The following TAFA4 variants were observed in gnomAD, a reference collection of about 807,000 sequenced individuals.
TAFA4 encodes the protein TAFA chemokine like family member 4.
A neutral mutation model predicts 21.1 loss-of-function variants in TAFA4; 20 were observed. The observed-to-expected ratio is 0.95, with a 90% CI of 0.67 to 1.38. The LOEUF (loss-of-function observed/expected upper bound fraction) is 1.38. TAFA4 is among the 40% of genes most tolerant of loss of function. TAFA4 has a pLI of 0.00. For missense variants in TAFA4, 211 were observed against 180.9 expected (o/e 1.17, Z -0.95); for synonymous variants, 71 against 67.4 (o/e 1.05, Z -0.26).
chr3:68,919,283 G>A (rs186449106), intron 1 of TAFA4, among the ~76,000 whole-genome samples: 3 of 152,166 alleles, frequency 2.0e-5, no homozygotes, highest in Non-Finnish European at 2.9e-5. Context: ...GGCAGCCCCC[G>A]TCAGGACAGA....
intron 3 of TAFA4, among the ~76,000 whole-genome samples, chr3:68,773,103 C>T (rs1044854953): frequency 5.3e-5 from 8 of 152,072 alleles, no homozygotes; most frequent in Admixed American, 2.6e-4. Flanking sequence ...TATAAGCAGC[C>T]GGAATTATGC....
intron 1 of TAFA4, among the ~76,000 whole-genome samples, chr3:68,919,105 AAC>A (rs2090032947): frequency 6.6e-6 from 1 of 152,176 alleles, no homozygotes; most frequent in Non-Finnish European, 1.5e-5. Flanking sequence ...AGTTAGGAAA[AAC>A]AATTTTTAAA....
intron 3 of TAFA4, among the ~76,000 whole-genome samples, chr3:68,844,962 T>C (rs891534185): frequency 2.0e-5 from 3 of 152,212 alleles, no homozygotes; most frequent in African/African-American, 7.2e-5. Flanking sequence ...TTAGAATAAG[T>C]GCAATGTGGT....
intron 3 of TAFA4, among the ~76,000 whole-genome samples, chr3:68,807,538 T>G (rs967415676): frequency 6.6e-6 from 1 of 151,414 alleles, no homozygotes; most frequent in Non-Finnish European, 1.5e-5. Flanking sequence ...AAATGAAGAA[T>G]CATCCCAAAA....
At chr3:68,772,832 TCATCCATCCATCCATCCGTCAATC>T (rs1054017008) in intron 3 of TAFA4, among the ~76,000 whole-genome samples, 12 of 152,224 alleles carry the variant, frequency 7.9e-5, no homozygotes, top group Middle Eastern at 3.4e-3. Flanking sequence ...TAATCCCCTC[TCATCCATCCATCCATCCGTCAATC>T]CATCCATCCA....
At chr3:68,875,062 C>T (rs1026784230) in intron 3 of TAFA4, among the ~76,000 whole-genome samples, 2 of 152,056 alleles carry the variant, frequency 1.3e-5, no homozygotes, top group African/African-American at 2.4e-5. Flanking sequence ...TGAGCTGGTA[C>T]AAAATGAGTA....
At position 68,830,401 on chromosome 3, in the gene TAFA4, T is replaced by C. The variant is rs531532182; in HGVS notation, c.130+50329A>G. Among the ~76,000 whole-genome samples the C allele has an allele frequency of 7.2e-5, 11 of 152,330 alleles. No individual in the cohort carries two copies. In the South Asian group the frequency reaches 1.9e-3, roughly 26 times the overall value. On this transcript the variant is annotated intron_variant, in intron 3 of 5. Coordinates refer to ENST00000295569, the MANE Select transcript of TAFA4 (RefSeq NM_182522.5). ...TGGTACATTGTGTCTTTGTTCTCAT[T>C]GGTTTCAAAGAACACCTTTATTTCT...
intron 3 of TAFA4, among the ~76,000 whole-genome samples, chr3:68,841,969 C>G (rs1476882067): frequency 1.3e-5 from 2 of 152,082 alleles, no homozygotes; most frequent in Non-Finnish European, 2.9e-5. Flanking sequence ...GGGTTGGTTC[C>G]AAGTCTTTGC....
intron 3 of TAFA4, among the ~76,000 whole-genome samples, chr3:68,814,888 G>A (rs1034643661): frequency 1.3e-5 from 2 of 152,118 alleles, no homozygotes; most frequent in Admixed American, 6.6e-5. Flanking sequence ...AAAGCTGGAG[G>A]CATCACACTA....
intron 1 of TAFA4, among the ~76,000 whole-genome samples, chr3:68,906,369 T>G (rs891294106): frequency 1.3e-5 from 2 of 152,252 alleles, no homozygotes; most frequent in Non-Finnish European, 2.9e-5. Flanking sequence ...CTTGAGGGAC[T>G]CAGTATGCAA....
chr3:68,918,167 C>A (rs889922060), intron 1 of TAFA4, among the ~76,000 whole-genome samples: 1 of 148,570 alleles, frequency 6.7e-6, no homozygotes, highest in Non-Finnish European at 1.5e-5. Flanking sequence ...ACACATTTCA[C>A]ATTCCAGGGA....
At chr3:68,745,984 C>T (rs1194163111) in intron 4 of TAFA4, among the ~76,000 whole-genome samples, 1 of 152,160 alleles carries the variant, frequency 6.6e-6, no homozygotes, top group African/African-American at 2.4e-5. Context: ...CAGACCCACC[C>T]TTAATCTGGG....
chr3:68,869,801 G>C (rs148692576), intron 3 of TAFA4, among the ~76,000 whole-genome samples: 1 of 152,090 alleles, frequency 6.6e-6, no homozygotes, highest in African/African-American at 2.4e-5. Flanking sequence ...TCTGGAATAA[G>C]ACAAGGATGC....
chr3:68,866,624 C>T (rs1275752919), intron 3 of TAFA4, among the ~76,000 whole-genome samples: 5 of 99,498 alleles, frequency 5.0e-5, no homozygotes, highest in African/African-American at 2.0e-4. Flanking sequence ...TGTGAGCTCT[C>T]AGATCAAGGA....
chr3:68,901,267 C>T (rs1216151281), intron 1 of TAFA4, among the ~76,000 whole-genome samples: 7 of 151,960 alleles, frequency 4.6e-5, no homozygotes, highest in Non-Finnish European at 8.8e-5. Context: ...CTTGGCCTGC[C>T]TTTGTGCCTT....
chr3:68,874,987 T>C (rs567273329), intron 3 of TAFA4, among the ~76,000 whole-genome samples: 1 of 152,214 alleles, frequency 6.6e-6, no homozygotes, highest in South Asian at 2.1e-4. Flanking sequence ...TGAAGAAATA[T>C]AATATGGGGT....
intron 3 of TAFA4, among the ~76,000 whole-genome samples, chr3:68,846,433 TCTTA>T (rs1704798939): frequency 6.6e-6 from 1 of 152,056 alleles, no homozygotes. Flanking sequence ...TTTTCAAGGT[TCTTA>T]GTCTTCCTTG....
At chr3:68,838,695 A>G (rs914488299) in intron 3 of TAFA4, among the ~76,000 whole-genome samples, 5 of 152,266 alleles carry the variant, frequency 3.3e-5, no homozygotes, top group South Asian at 2.1e-4. Flanking sequence ...ATCATTCTTC[A>G]TTCTCAGTTA....
chr3:68,761,796 G>A (rs1250334168), intron 3 of TAFA4, among the ~76,000 whole-genome samples: 3 of 152,192 alleles, frequency 2.0e-5, no homozygotes, highest in Non-Finnish European at 4.4e-5. Context: ...GAAAGCTGGT[G>A]GTGGCTTGGA....
Sources: allele counts gnomAD v4.1 joint callset (sites outside exome capture counted in the v4.1 genomes callset), GRCh38; gene constraint gnomAD v4.1.1; transcripts MANE v1.5; gene names NCBI Gene and HGNC (gene_info 2026-07-23, HGNC 2026-07-21).